The following SPATA3 variants were observed in gnomAD, a reference collection of about 807,000 sequenced individuals.
The protein encoded by SPATA3 is spermatogenesis-associated protein 3.
Under a neutral mutation model 5.7 loss-of-function variants are expected in SPATA3, and 6 were observed. The observed-to-expected ratio is 1.06, with a 90% CI of 0.58 to 2.09. The LOEUF (loss-of-function observed/expected upper bound fraction) is 2.09. Among genes scored for constraint, SPATA3 ranks in the 30% most tolerant of loss-of-function variants. The probability of loss-of-function intolerance (pLI) is 0.00; values close to 1 mark genes in which losing one functional copy is unlikely to be tolerated. For synonymous variants in SPATA3, 44 were observed against 48.4 expected (o/e 0.91, Z 0.37); for missense variants, 155 against 130.4 (o/e 1.19, Z -0.92).
chr2:231,002,943 C>A, downstream of SPATA3: 1 of 447,946 alleles, frequency 2.2e-6, no homozygotes, highest in South Asian at 6.7e-5. Flanking sequence ...CAGGGTCAGC[C>A]GGCATGGCCC....
chr2:231,011,084 A>AAAAAAAAAAAG (rs1692772302), downstream of SPATA3, among the ~76,000 whole-genome samples: 1 of 146,230 alleles, frequency 6.8e-6, no homozygotes, highest in South Asian at 2.1e-4. Flanking sequence ...AAAAAAAAAA[A>AAAAAAAAAAAG]AAAAAGAAAA....
chr2:231,007,025 C>T (rs1344467302), downstream of SPATA3, among the ~76,000 whole-genome samples: 1 of 152,120 alleles, frequency 6.6e-6, no homozygotes, highest in African/African-American at 2.4e-5. Context: ...GCATTACAGC[C>T]TGAGGTGTGT....
chr2:231,001,201 G>T (rs557946404), intron 2 of SPATA3, among the ~76,000 whole-genome samples: 1 of 152,254 alleles, frequency 6.6e-6, no homozygotes, highest in African/African-American at 2.4e-5. Flanking sequence ...TGTCATGGCT[G>T]CCACCGCCCT....
downstream of SPATA3, among the ~76,000 whole-genome samples, chr2:231,011,846 G>A (rs543102557): frequency 6.6e-6 from 1 of 152,304 alleles, no homozygotes; most frequent in Non-Finnish European, 1.5e-5. Context: ...TGCTATTACA[G>A]GCTCTGGCTT....
chr2:231,010,828 G>A (rs1428352198), downstream of SPATA3, among the ~76,000 whole-genome samples: 1 of 151,750 alleles, frequency 6.6e-6, no homozygotes, highest in Non-Finnish European at 1.5e-5. Context: ...AGCGTTTTGG[G>A]AGGCCAAGGC....
chr2:230,998,483 A>G (rs1168274481), intron 1 of SPATA3, among the ~76,000 whole-genome samples: 1 of 152,220 alleles, frequency 6.6e-6, no homozygotes. Context: ...AATTTGGCCC[A>G]TTGAACAGGC....
intron 6 of SPATA3, among the ~76,000 whole-genome samples, chr2:231,019,541 G>T (rs780266197): frequency 5.3e-5 from 8 of 150,164 alleles, no homozygotes; most frequent in Non-Finnish European, 1.2e-4. Context: ...AGCCGGGATG[G>T]TCTCGATCTC....
chr2:230,999,541 A>C (rs922462825), intron 1 of SPATA3: 1 of 152,822 alleles, frequency 6.5e-6, no homozygotes, highest in South Asian at 2.1e-4. Flanking sequence ...CATGCAGCTT[A>C]GGGTCAGAAG....
At chr2:230,998,574 C>T (rs1013482931) in intron 1 of SPATA3, among the ~76,000 whole-genome samples, 1 of 152,188 alleles carries the variant, frequency 6.6e-6, no homozygotes, top group Non-Finnish European at 1.5e-5. Flanking sequence ...GAATTCTCTG[C>T]GTAGAAAGGA....
downstream of SPATA3, among the ~76,000 whole-genome samples, chr2:231,008,426 A>T (rs1692701116): frequency 6.6e-6 from 1 of 152,086 alleles, no homozygotes; most frequent in Non-Finnish European, 1.5e-5. Flanking sequence ...ACCTCCTATG[A>T]CTCTAAGAAT....
At chr2:231,000,311 G>A (rs914007591) in intron 1 of SPATA3, 55 bp from the exon 2 acceptor site, 54 of 1,386,678 alleles carry the variant, frequency 3.9e-5, no homozygotes, top group African/African-American at 8.9e-5. Flanking sequence ...AGACTCCCCC[G>A]CCCCAGCCTC....
intron 6 of SPATA3, among the ~76,000 whole-genome samples, chr2:231,016,797 CG>C (rs2125126548): frequency 6.6e-6 from 1 of 152,272 alleles, no homozygotes; most frequent in South Asian, 2.1e-4. Flanking sequence ...CCTGGAGGAG[CG>C]GGTGCCCTCT....
At chr2:231,011,305 G>T (rs1194412035), downstream of SPATA3, among the ~76,000 whole-genome samples, 6 of 152,184 alleles carry the variant, frequency 3.9e-5, no homozygotes, top group East Asian at 1.2e-3. Flanking sequence ...AGTAGAGACG[G>T]GGTTTCACCA....
downstream of SPATA3, among the ~76,000 whole-genome samples, chr2:231,005,718 CAATT>C (rs909737453): frequency 4.6e-5 from 7 of 152,166 alleles, no homozygotes; most frequent in African/African-American, 1.7e-4. Flanking sequence ...CACATCCCTT[CAATT>C]AATCTTTACA....
At chr2:231,005,384 A>T (rs1461460666), downstream of SPATA3, among the ~76,000 whole-genome samples, 1 of 144,356 alleles carries the variant, frequency 6.9e-6, no homozygotes, top group Non-Finnish European at 1.5e-5. Flanking sequence ...CACCATCACC[A>T]CCACCATCAT....
intron 6 of SPATA3, among the ~76,000 whole-genome samples, chr2:231,019,186 G>A (rs1048581941): frequency 3.0e-4 from 46 of 151,038 alleles, no homozygotes; most frequent in African/African-American, 9.8e-4. Flanking sequence ...AGCCAGGATG[G>A]TCTCGATCTC....
downstream of SPATA3, among the ~76,000 whole-genome samples, chr2:231,005,421 TCAC>T (rs1307893392): frequency 5.3e-4 from 15 of 28,112 alleles, no homozygotes; most frequent in South Asian, 1.3e-3. Flanking sequence ...ATCAGCATCA[TCAC>T]CACCACCACC....
downstream of SPATA3, among the ~76,000 whole-genome samples, chr2:231,010,696 G>A (rs1356438695): frequency 1.3e-5 from 2 of 152,046 alleles, no homozygotes; most frequent in African/African-American, 4.8e-5. Flanking sequence ...TCATTTTGAG[G>A]TATTATTGTC....
At chr2:231,006,333 C>G (rs1692623505), downstream of SPATA3, among the ~76,000 whole-genome samples, 1 of 144,128 alleles carries the variant, frequency 6.9e-6, no homozygotes, top group Non-Finnish European at 1.5e-5. Flanking sequence ...AACCCCGTCT[C>G]TACTAAAAAT....
Sources: gnomAD v4.1 joint callset for allele counts (sites outside exome capture counted in the v4.1 genomes callset) on GRCh38, gnomAD v4.1.1 for gene constraint, MANE v1.5 for transcripts, NCBI Gene and HGNC (gene_info 2026-07-23, HGNC 2026-07-21) for gene names.